The following ASAP2 variants were observed in gnomAD, a reference collection of about 807,000 sequenced individuals.
ASAP2 encodes arf-GAP with SH3 domain, ANK repeat and PH domain-containing protein 2.
A neutral mutation model predicts 131.4 loss-of-function variants in ASAP2; 45 were observed. The ratio of observed to expected loss-of-function variants is 0.34; its 90% CI spans 0.27 to 0.44. The LOEUF is 0.44. Ranked by LOEUF, ASAP2 falls within the 20% of genes least tolerant of loss-of-function variation. ASAP2 has a pLI of 1.00. For missense variants in ASAP2, 1,011 were observed against 1,297.0 expected (o/e 0.78, Z 3.39); for synonymous variants, 510 against 503.0 (o/e 1.01, Z -0.19).
intron 1 of ASAP2, among the ~76,000 whole-genome samples, chr2:9,223,609 G>A (rs1031217058): frequency 2.6e-5 from 4 of 152,166 alleles, no homozygotes; most frequent in African/African-American, 7.2e-5. Flanking sequence ...GCCATAGGGC[G>A]TACATTAGAC....
At chr2:9,355,940 A>G in intron 12 of ASAP2, 107 bp from the exon 13 acceptor site, 3 of 1,364,384 alleles carry the variant, frequency 2.2e-6, no homozygotes. Context: ...GTAATTTCGT[A>G]ACAGAGAGCT....
chr2:9,285,057 C>A (rs998325557), intron 2 of ASAP2, among the ~76,000 whole-genome samples: 8 of 152,078 alleles, frequency 5.3e-5, no homozygotes, highest in Admixed American at 6.5e-5. Context: ...GGAGATGGGG[C>A]CTTTGGGAAG....
intron 3 of ASAP2, among the ~76,000 whole-genome samples, chr2:9,307,663 G>C (rs1669034745): frequency 6.6e-6 from 1 of 152,176 alleles, no homozygotes; most frequent in African/African-American, 2.4e-5. Flanking sequence ...TCCACTTAGA[G>C]CCTGAAAGAT....
At chr2:9,255,948 T>C (rs1302242515) in intron 1 of ASAP2, among the ~76,000 whole-genome samples, 2 of 152,122 alleles carry the variant, frequency 1.3e-5, no homozygotes, top group Middle Eastern at 3.2e-3. Context: ...ACTTAAGAAC[T>C]GGGGTTTATA....
chr2:9,362,618 T>C (rs774418987), intron 15 of ASAP2, among the ~76,000 whole-genome samples: 18 of 151,986 alleles, frequency 1.2e-4, no homozygotes, highest in Non-Finnish European at 2.6e-4. Context: ...GTGAGAAGAT[T>C]GTTTGAGTCT....
At chr2:9,365,718 G>A (rs1012048304) in intron 15 of ASAP2, among the ~76,000 whole-genome samples, 2 of 152,198 alleles carry the variant, frequency 1.3e-5, no homozygotes, top group African/African-American at 4.8e-5. Context: ...ATCTGGGCCT[G>A]GTGCCGCTGT....
Position 9,351,797 on chromosome 2 carries a change from C to T in ASAP2, c.1111+902C>T, listed in dbSNP as rs184592637. ...GCGGGTAATTATCACTCCACCTCAC[C>T]CACAATGGCTTGCTCTTATCCTCCC... On this transcript the variant is annotated intron_variant, in intron 12 of 27. Coordinates refer to ENST00000281419, the MANE Select transcript of ASAP2 (RefSeq NM_003887.3). 4.4e-3 allele frequency among the ~76,000 whole-genome samples: 672 copies of T among 152,312 alleles called. 4 individuals are homozygous for T. The highest frequency in any genetic ancestry group is 0.016 in the African/African-American group (651 of 41,558).
At chr2:9,317,522 CCA>C (rs1433834620) in intron 3 of ASAP2, among the ~76,000 whole-genome samples, 8 of 149,762 alleles carry the variant, frequency 5.3e-5, no homozygotes, top group Non-Finnish European at 8.9e-5. Context: ...CAATCACACC[CCA>C]CACTCAAATC....
intron 24 of ASAP2, among the ~76,000 whole-genome samples, chr2:9,397,568 G>A (rs563625786): frequency 2.6e-5 from 4 of 151,514 alleles, no homozygotes; most frequent in African/African-American, 9.7e-5. Flanking sequence ...TTTGTCTCTG[G>A]GATAAATGTG....
At position 9,207,089 on chromosome 2, in the gene ASAP2, C is replaced by T; in HGVS notation, c.-16C>T. 6.4e-7 allele frequency: 1 copy of T among 1,565,354 alleles called. No homozygotes were observed. The highest frequency in any genetic ancestry group is 8.6e-7 in the Non-Finnish European group (1 of 1,156,608). On this transcript the variant is annotated 5_prime_UTR_variant, in exon 1 of 28. Transcript: ENST00000281419. The surrounding 1 kb of genome is among the most constrained non-coding windows in gnomAD (Gnocchi z 4.1). ...GCGCCCCTGCGGCTGTGCGCCAGCG[C>T]CCTCGCGCCGAGGCGATGCCGGACC...
At position 9,374,891 on chromosome 2, in the gene ASAP2, G is replaced by A. The variant is rs1572579028; in HGVS notation, c.1693G>A (p.Ala565Thr). 1 of 1,613,808 alleles carries A rather than the reference G, an allele frequency of 6.2e-7. No individual in the cohort carries two copies. Among genetic ancestry groups the A allele is most frequent in the Non-Finnish European group, 8.5e-7 (1 of 1,179,976 alleles). ...KTRDIFGLLQAYADGVDLTEK... is the reference protein window; with the variant it reads ...KTRDIFGLLQTYADGVDLTEK... ...GAGAGATATTTTTGGATTGCTCCAAGCTTATGCTGATGGTGTGGATCTTAC... is the reference window on the plus strand; with the variant it reads ...GAGAGATATTTTTGGATTGCTCCAAACTTATGCTGATGGTGTGGATCTTAC... The change falls in exon 17 of 28, where the codon GCT becomes ACT. Residue 565 changes from alanine (A) to threonine (T), a missense_variant. Physicochemically the swap from Ala to Thr is moderately conservative, Grantham distance 58. This residue lies in a region of ASAP2 where 652 missense variants were observed against 698.9 expected (regional missense o/e 0.93). Transcript: ENST00000281419.
chr2:9,246,354 C>A (rs1664339974), intron 1 of ASAP2, among the ~76,000 whole-genome samples: 1 of 152,194 alleles, frequency 6.6e-6, no homozygotes, highest in African/African-American at 2.4e-5. Flanking sequence ...GAGTGCAGAT[C>A]ATGGCCCACT....
intron 1 of ASAP2, among the ~76,000 whole-genome samples, chr2:9,262,165 T>G (rs1411339773): frequency 6.6e-6 from 1 of 152,190 alleles, no homozygotes; most frequent in East Asian, 1.9e-4. Context: ...TTTGAAAAAT[T>G]TAAATGTTGA....
At position 9,388,379 on chromosome 2, in the gene ASAP2, C is replaced by T; in HGVS notation, c.2216C>T (p.Ala739Val). The change falls in exon 22 of 28, where the codon GCC becomes GTC. Residue 739 changes from alanine to valine, a missense_variant. By Grantham distance (64) the Ala-to-Val change is moderately conservative. Transcript: ENST00000281419. The part of the protein sequence containing the change: ...NQLQSNAVSL[A>V]RDAANLAKEK... ...CTTCAGTCTAACGCTGTATCTTTGG[C>T]CAGAGATGCTGCAAACCTTGCCAAG... 2 of 1,614,112 alleles carry T rather than the reference C, an allele frequency of 1.2e-6. No individual in the cohort carries two copies. The highest frequency in any genetic ancestry group is 1.1e-5 in the South Asian group (1 of 91,064).
At chr2:9,299,782 G>A (rs1668369251) in intron 3 of ASAP2, among the ~76,000 whole-genome samples, 1 of 152,200 alleles carries the variant, frequency 6.6e-6, no homozygotes, top group Non-Finnish European at 1.5e-5. Context: ...GTAACATGGA[G>A]ATAATAATAC....
chr2:9,332,319 C>G (rs919269316), intron 7 of ASAP2, among the ~76,000 whole-genome samples: 20 of 152,134 alleles, frequency 1.3e-4, no homozygotes, highest in African/African-American at 4.3e-4. Flanking sequence ...CTTGAAGCTT[C>G]TCCTGACGCC....
At chr2:9,212,236 G>A (rs770410090) in intron 1 of ASAP2, among the ~76,000 whole-genome samples, 5 of 152,158 alleles carry the variant, frequency 3.3e-5, no homozygotes, top group Non-Finnish European at 7.3e-5. Context: ...CTACAGTCCA[G>A]CAAGAGGAAC....
At chr2:9,245,011 T>A (rs763457425) in intron 1 of ASAP2, among the ~76,000 whole-genome samples, 8 of 150,862 alleles carry the variant, frequency 5.3e-5, no homozygotes, top group Non-Finnish European at 1.0e-4. Flanking sequence ...TCCCGTCATA[T>A]AAAAGGTAAA....
intron 3 of ASAP2, among the ~76,000 whole-genome samples, chr2:9,299,249 C>T (rs1401636068): frequency 6.6e-6 from 1 of 152,080 alleles, no homozygotes; most frequent in African/African-American, 2.4e-5. Flanking sequence ...TGTGAACTTG[C>T]AAAAGATCTT....
Sources: allele counts gnomAD v4.1 joint callset (sites outside exome capture counted in the v4.1 genomes callset), GRCh38; gene constraint gnomAD v4.1.1; regional missense constraint gnomAD v4.1.1; non-coding constraint Gnocchi (gnomAD v3.1); transcripts MANE v1.5; gene names NCBI Gene and HGNC (gene_info 2026-07-23, HGNC 2026-07-21).